The following TBXAS1 variants were observed in gnomAD, a reference collection of about 807,000 sequenced individuals.
TBXAS1 encodes thromboxane A synthase 1.
A neutral mutation model predicts 60.7 loss-of-function variants in TBXAS1; 48 were observed. That is an observed-to-expected ratio of 0.79 (90% CI 0.63 to 1.01). The LOEUF (loss-of-function observed/expected upper bound fraction) is 1.01. Ranked by LOEUF, TBXAS1 falls within the 50% of genes least tolerant of loss-of-function variation. The pLI is 0.00. For missense variants in TBXAS1, 685 were observed against 686.3 expected, an observed-to-expected ratio of 1.00 and a Z score of 0.02; for synonymous variants, 287 against 269.7, an observed-to-expected ratio of 1.06 and a Z score of -0.63.
At chr7:139,843,609 C>T (rs1799614201) in intron 1 of TBXAS1, among the ~76,000 whole-genome samples, 1 of 152,198 alleles carries the variant, frequency 6.6e-6, no homozygotes, top group Non-Finnish European at 1.5e-5. Flanking sequence ...TCACAAAGTG[C>T]TGGGATTACA....
chr7:139,804,630 C>A (rs993767176), intron 4 of TBXAS1, among the ~76,000 whole-genome samples: 2 of 152,142 alleles, frequency 1.3e-5, no homozygotes, highest in Admixed American at 1.3e-4. Context: ...GGGAGGGACA[C>A]AGTGGGAGGT....
chr7:139,864,556 G>A (rs1019865686), intron 1 of TBXAS1, among the ~76,000 whole-genome samples: 2 of 151,638 alleles, frequency 1.3e-5, no homozygotes, highest in Non-Finnish European at 2.9e-5. Context: ...TATGGTAAAA[G>A]GAATTTGAGT....
intron 4 of TBXAS1, 72 bp from the exon 5 acceptor site, chr7:139,936,119 A>G (rs537670305): frequency 1.4e-6 from 2 of 1,417,180 alleles, no homozygotes; most frequent in Non-Finnish European, 2.0e-6. Context: ...GGTGTTTGTC[A>G]TGGACCTGTA....
intron 4 of TBXAS1, among the ~76,000 whole-genome samples, chr7:139,811,148 T>C (rs1318024094): frequency 6.6e-6 from 1 of 152,268 alleles, no homozygotes; most frequent in Non-Finnish European, 1.5e-5. Context: ...CAACCTGAAG[T>C]ATATTGTGAT....
At chr7:139,962,454 C>A in intron 9 of TBXAS1, 1 of 531,480 alleles carries the variant, frequency 1.9e-6, no homozygotes, top group Non-Finnish European at 3.4e-6. Context: ...GTGTGTGCAC[C>A]TTCACTGTCT....
At chr7:139,910,827 G>T (rs147644225) in intron 3 of TBXAS1, among the ~76,000 whole-genome samples, 197 of 152,206 alleles carry the variant, frequency 1.3e-3, no homozygotes, top group Non-Finnish European at 2.2e-3. Flanking sequence ...CTATCTTTCC[G>T]TTTTGGGGAA....
At chr7:139,934,464 A>T (rs981429488) in intron 4 of TBXAS1, among the ~76,000 whole-genome samples, 7 of 152,170 alleles carry the variant, frequency 4.6e-5, no homozygotes, top group African/African-American at 1.7e-4. Context: ...CTGAGATTAC[A>T]GGCGTGAGCC....
At chr7:139,979,765 A>G (rs985586813) in intron 9 of TBXAS1, among the ~76,000 whole-genome samples, 1 of 148,076 alleles carries the variant, frequency 6.8e-6, no homozygotes, top group Non-Finnish European at 1.5e-5. Flanking sequence ...AATAATAATA[A>G]TAAATAAATA....
At chr7:139,978,456 G>A (rs953716280) in intron 9 of TBXAS1, among the ~76,000 whole-genome samples, 4 of 151,648 alleles carry the variant, frequency 2.6e-5, no homozygotes, top group South Asian at 2.1e-4. Flanking sequence ...GTTGCAGTTC[G>A]CTGAGATTGC....
At chr7:139,901,751 C>G (rs771386606) in intron 3 of TBXAS1, among the ~76,000 whole-genome samples, 1 of 151,788 alleles carries the variant, frequency 6.6e-6, no homozygotes, top group African/African-American at 2.4e-5. Flanking sequence ...GACAAGCCCT[C>G]GAGGCTGGAA....
chr7:139,926,764 C>T (rs1318144379), intron 4 of TBXAS1, among the ~76,000 whole-genome samples: 1 of 151,792 alleles, frequency 6.6e-6, no homozygotes, highest in Non-Finnish European at 1.5e-5. Flanking sequence ...GCACTTATAA[C>T]TATAAATTTT....
At chr7:139,886,946 C>T (rs1569507955) in intron 3 of TBXAS1, among the ~76,000 whole-genome samples, 1 of 152,180 alleles carries the variant, frequency 6.6e-6, no homozygotes. Context: ...TCTTTGTCCT[C>T]CTCTGTGTAG....
At chr7:139,995,253 A>C (rs1813208415) in intron 9 of TBXAS1, among the ~76,000 whole-genome samples, 1 of 152,200 alleles carries the variant, frequency 6.6e-6, no homozygotes, top group Non-Finnish European at 1.5e-5. Context: ...TGGATAAAAA[A>C]TAAATTCCAG....
intron 1 of TBXAS1, among the ~76,000 whole-genome samples, chr7:139,838,059 G>T (rs889669922): frequency 6.6e-6 from 1 of 152,128 alleles, no homozygotes; most frequent in African/African-American, 2.4e-5. Flanking sequence ...CTCCTTCAGC[G>T]GGCCCCCTGT....
At chr7:139,874,273 A>T (rs1802048670) in intron 2 of TBXAS1, among the ~76,000 whole-genome samples, 2 of 152,222 alleles carry the variant, frequency 1.3e-5, no homozygotes, top group South Asian at 4.1e-4. Context: ...AAAGCTAAAG[A>T]AAATGCATTT....
intron 10 of TBXAS1, among the ~76,000 whole-genome samples, chr7:140,008,447 CTT>C (rs35875761): frequency 2.9e-4 from 37 of 125,988 alleles, no homozygotes; most frequent in Admixed American, 3.4e-4. Context: ...TTCTTTTATT[CTT>C]TTTTTTTTTT....
chr7:139,801,579 T>C (rs1797725204), intron 4 of TBXAS1, among the ~76,000 whole-genome samples: 1 of 151,962 alleles, frequency 6.6e-6, no homozygotes, highest in African/African-American at 2.4e-5. Context: ...AAACAATCCT[T>C]CTACCTCAGC....
At chr7:139,992,715 A>C (rs1813009592) in intron 9 of TBXAS1, among the ~76,000 whole-genome samples, 1 of 152,258 alleles carries the variant, frequency 6.6e-6, no homozygotes, top group South Asian at 2.1e-4. Flanking sequence ...AGCTGCCCTC[A>C]GAAGCACTCA....
chr7:139,907,202 ACTC>A (rs1190595740), intron 3 of TBXAS1, among the ~76,000 whole-genome samples: 1 of 151,322 alleles, frequency 6.6e-6, no homozygotes, highest in East Asian at 1.9e-4. Context: ...AAGTTGAGGA[ACTC>A]CTCTCTATTC....
Sources: allele counts gnomAD v4.1 joint callset (sites outside exome capture counted in the v4.1 genomes callset), GRCh38; gene constraint gnomAD v4.1.1; transcripts MANE v1.5; gene names NCBI Gene and HGNC (gene_info 2026-07-23, HGNC 2026-07-21).